The following CMSS1 variants were observed in gnomAD, a reference collection of about 807,000 sequenced individuals.
CMSS1 encodes cms1 ribosomal small subunit homolog.
CMSS1 carries 33 observed loss-of-function variants against 43.5 expected under a neutral mutation model. The observed-to-expected ratio is 0.76, with a 90% CI of 0.57 to 1.01. CMSS1 has a LOEUF of 1.01. Ranked by LOEUF, CMSS1 falls within the 50% of genes least tolerant of loss-of-function variation. The pLI, the probability that CMSS1 is intolerant of heterozygous loss-of-function variation, is 0.00. For synonymous variants in CMSS1, 115 were observed against 117.2 expected, an observed-to-expected ratio of 0.98 and a Z score of 0.12; for missense variants, 313 against 326.4, an observed-to-expected ratio of 0.96 and a Z score of 0.32.
At chr3:99,890,583 C>T (rs2107613905) in intron 1 of CMSS1, among the ~76,000 whole-genome samples, 1 of 152,162 alleles carries the variant, frequency 6.6e-6, no homozygotes, top group Non-Finnish European at 1.5e-5. Context: ...TGTGCAATTT[C>T]TTTGAATTTT....
intron 1 of CMSS1, among the ~76,000 whole-genome samples, chr3:100,049,765 C>G (rs951727464): frequency 2.0e-5 from 3 of 152,152 alleles, no homozygotes; most frequent in Admixed American, 6.5e-5. Flanking sequence ...TGATTGTCTT[C>G]TAACATTTTC....
chr3:100,049,340 A>G (rs1429174873), intron 1 of CMSS1, among the ~76,000 whole-genome samples: 2 of 152,194 alleles, frequency 1.3e-5, no homozygotes, highest in Non-Finnish European at 2.9e-5. Context: ...ATGAAACCCT[A>G]GGGTCTTACC....
At chr3:100,093,829 T>C (rs2066156366) in intron 1 of CMSS1, among the ~76,000 whole-genome samples, 1 of 152,232 alleles carries the variant, frequency 6.6e-6, no homozygotes, top group African/African-American at 2.4e-5. Context: ...GACATTTTTT[T>C]CACTTATCAC....
At chr3:100,107,432 C>T (rs1338571540) in intron 1 of CMSS1, among the ~76,000 whole-genome samples, 3 of 152,084 alleles carry the variant, frequency 2.0e-5, no homozygotes, top group Non-Finnish European at 4.4e-5. Context: ...ACTTTGTTTA[C>T]TTTGAGAGTG....
At chr3:100,147,359 C>T (rs529632087) in intron 2 of CMSS1, among the ~76,000 whole-genome samples, 1 of 147,134 alleles carries the variant, frequency 6.8e-6, no homozygotes, top group East Asian at 2.0e-4. Flanking sequence ...CAACCTTGAC[C>T]TTCTGGGCTC....
intron 1 of CMSS1, among the ~76,000 whole-genome samples, chr3:99,846,575 G>C (rs1246548196): frequency 1.3e-5 from 2 of 152,148 alleles, no homozygotes; most frequent in Non-Finnish European, 2.9e-5. Flanking sequence ...TAAGATAAAT[G>C]TGTTTAAACA....
chr3:99,855,100 G>C (rs1008500325), intron 1 of CMSS1, among the ~76,000 whole-genome samples: 3 of 152,164 alleles, frequency 2.0e-5, no homozygotes, highest in African/African-American at 7.2e-5. Flanking sequence ...GATACTGTTT[G>C]AATATTAACT....
chr3:100,095,475 G>A (rs565024339), intron 1 of CMSS1, among the ~76,000 whole-genome samples: 1 of 152,058 alleles, frequency 6.6e-6, no homozygotes, highest in Admixed American at 6.5e-5. Context: ...ATATACTACA[G>A]TGAACTTAAT....
At chr3:99,929,574 G>A (rs1707408501) in intron 1 of CMSS1, among the ~76,000 whole-genome samples, 1 of 152,118 alleles carries the variant, frequency 6.6e-6, no homozygotes, top group African/African-American at 2.4e-5. Flanking sequence ...GTGTGTGTTT[G>A]TGTGTGTATG....
chr3:99,879,040 C>T (rs2107599388), intron 1 of CMSS1, among the ~76,000 whole-genome samples: 1 of 152,230 alleles, frequency 6.6e-6, no homozygotes, highest in South Asian at 2.1e-4. Flanking sequence ...TTGTTCTGTC[C>T]AATTACTTTT....
intron 1 of CMSS1, among the ~76,000 whole-genome samples, chr3:99,967,473 A>G (rs1278417435): frequency 3.9e-5 from 6 of 152,208 alleles, no homozygotes; most frequent in Admixed American, 2.0e-4. Context: ...AATATGGTAC[A>G]TAGTGATCCA....
At chr3:100,152,044 C>A (rs2066914871) in intron 2 of CMSS1, among the ~76,000 whole-genome samples, 1 of 152,108 alleles carries the variant, frequency 6.6e-6, no homozygotes, top group African/African-American at 2.4e-5. Context: ...CAAAAGAAGG[C>A]AAATAGGAGG....
chr3:99,971,098 G>A (rs1050376657), intron 1 of CMSS1, among the ~76,000 whole-genome samples: 10 of 152,200 alleles, frequency 6.6e-5, no homozygotes, highest in African/African-American at 1.9e-4. Flanking sequence ...AGCACTTTGG[G>A]AGGCCAAGGC....
At chr3:100,178,278 T>G (rs767058867) in intron 9 of CMSS1, 27 bp from the exon 10 acceptor site, 1 of 1,499,338 alleles carries the variant, frequency 6.7e-7, no homozygotes, top group Admixed American at 1.7e-5. Context: ...ATCTTAATCT[T>G]TTTTTCCCCC....
chr3:100,056,201 C>T (rs1172036024), intron 1 of CMSS1, among the ~76,000 whole-genome samples: 2 of 152,120 alleles, frequency 1.3e-5, no homozygotes, highest in Non-Finnish European at 2.9e-5. Flanking sequence ...ATATTATTAC[C>T]AGCTGAGGGT....
At chr3:100,092,974 C>G (rs1389569949) in intron 1 of CMSS1, among the ~76,000 whole-genome samples, 1 of 151,866 alleles carries the variant, frequency 6.6e-6, no homozygotes, top group African/African-American at 2.4e-5. Flanking sequence ...ACCTATGGAT[C>G]CAGCCTGATG....
At chr3:100,048,664 C>T (rs1270584735) in intron 1 of CMSS1, among the ~76,000 whole-genome samples, 6 of 152,132 alleles carry the variant, frequency 3.9e-5, no homozygotes, top group Admixed American at 3.9e-4. Flanking sequence ...AATCAGGAAT[C>T]ATTTCCACTC....
intron 1 of CMSS1, among the ~76,000 whole-genome samples, chr3:99,903,634 G>A (rs769140825): frequency 2.6e-5 from 4 of 152,100 alleles, no homozygotes; most frequent in Non-Finnish European, 5.9e-5. Context: ...ATAGATTTAT[G>A]GATGATTCCA....
Position 99,969,435 on chromosome 3 carries a change from G to A in CMSS1, c.64+151392G>A, listed in dbSNP as rs150350836. On this transcript the variant is annotated intron_variant, in intron 1 of 9. Coordinates refer to ENST00000421999, the MANE Select transcript of CMSS1 (RefSeq NM_032359.4). ...GAGGACTGCAGATTTATATAGTTGC[G>A]TCAATCTGAAAGCTGACTTTTTTTT... Among the ~76,000 whole-genome samples the A allele has an allele frequency of 7.3e-3, 1,107 of 152,252 alleles. 19 individuals are homozygous for A. Among genetic ancestry groups the A allele is most frequent in the African/African-American group, 0.024 (1,016 of 41,528 alleles).
Sources: gnomAD v4.1 joint callset for allele counts (sites outside exome capture counted in the v4.1 genomes callset) on GRCh38, gnomAD v4.1.1 for gene constraint, MANE v1.5 for transcripts, NCBI Gene and HGNC (gene_info 2026-07-23, HGNC 2026-07-21) for gene names.